ATRNL1: variants seen among roughly 807,000 people sequenced by gnomAD.
ATRNL1 encodes attractin-like protein 1.
Under a neutral mutation model 182.7 loss-of-function variants are expected in ATRNL1, and 95 were observed. The ratio of observed to expected loss-of-function variants is 0.52; its 90% CI spans 0.44 to 0.62. ATRNL1 has a LOEUF of 0.62. Among genes scored for constraint, ATRNL1 ranks in the 20% least tolerant of loss-of-function variants. The pLI, the probability that ATRNL1 is intolerant of heterozygous loss-of-function variation, is 0.00. For synonymous variants in ATRNL1, 576 were observed against 568.3 expected (o/e 1.01, Z -0.19); for missense variants, 1,471 against 1,679.5 (o/e 0.88, Z 2.17).
chr10:115,442,490 TG>T (rs782810566), intron 21 of ATRNL1, among the ~76,000 whole-genome samples: 23 of 152,054 alleles, frequency 1.5e-4, no homozygotes, highest in Non-Finnish European at 2.9e-4. Flanking sequence ...AAGCTTTTGC[TG>T]TAAAGGGCCA....
At chr10:115,832,211 C>T (rs1555093957) in intron 27 of ATRNL1, among the ~76,000 whole-genome samples, 3 of 152,140 alleles carry the variant, frequency 2.0e-5, no homozygotes, top group African/African-American at 7.2e-5. Context: ...GGTCAGAAAG[C>T]TATCAAATAG....
At chr10:115,144,433 C>T (rs1326402433) in intron 5 of ATRNL1, among the ~76,000 whole-genome samples, 1 of 152,146 alleles carries the variant, frequency 6.6e-6, no homozygotes, top group African/African-American at 2.4e-5. Flanking sequence ...GCTGGGATTA[C>T]AGGCGTGAGC....
chr10:115,356,635 C>A (rs1304286133), intron 19 of ATRNL1, among the ~76,000 whole-genome samples: 1 of 151,814 alleles, frequency 6.6e-6, no homozygotes, highest in Non-Finnish European at 1.5e-5. Flanking sequence ...TGGGCTAATT[C>A]CCAAAGTTCC....
At chr10:115,716,789 A>T (rs1555056451) in intron 26 of ATRNL1, among the ~76,000 whole-genome samples, 1 of 151,936 alleles carries the variant, frequency 6.6e-6, no homozygotes, top group Non-Finnish European at 1.5e-5. Context: ...CATATTGTAC[A>T]CCTCCTGGAT....
intron 24 of ATRNL1, among the ~76,000 whole-genome samples, chr10:115,515,651 T>C (rs1850600405): frequency 6.6e-6 from 1 of 151,938 alleles, no homozygotes; most frequent in South Asian, 2.1e-4. Flanking sequence ...TGATGATTTC[T>C]GCTCTGTTTT....
intron 8 of ATRNL1, among the ~76,000 whole-genome samples, chr10:115,209,140 A>T (rs12244489): frequency 6.6e-6 from 1 of 151,976 alleles, no homozygotes; most frequent in East Asian, 1.9e-4. Flanking sequence ...CAGAAAAAAT[A>T]TATGAAAAAT....
intron 5 of ATRNL1, among the ~76,000 whole-genome samples, chr10:115,144,932 A>G (rs1845910017): frequency 6.6e-6 from 1 of 152,110 alleles, no homozygotes; most frequent in Admixed American, 6.6e-5. Flanking sequence ...TGAATTTGTG[A>G]TTAATATTTA....
At chr10:115,159,214 G>A (rs919462465) in intron 5 of ATRNL1, among the ~76,000 whole-genome samples, 1 of 151,240 alleles carries the variant, frequency 6.6e-6, no homozygotes, top group Non-Finnish European at 1.5e-5. Context: ...TTTAAACATA[G>A]GAGTTTATGT....
At chr10:115,923,190 T>C (rs1953119692) in intron 28 of ATRNL1, among the ~76,000 whole-genome samples, 1 of 152,192 alleles carries the variant, frequency 6.6e-6, no homozygotes, top group Non-Finnish European at 1.5e-5. Context: ...AACATCTTCA[T>C]GTAACCCAGT....
At chr10:115,840,281 CTTAA>C (rs1950774011) in intron 27 of ATRNL1, among the ~76,000 whole-genome samples, 2 of 152,066 alleles carry the variant, frequency 1.3e-5, no homozygotes, top group Admixed American at 6.6e-5. Context: ...GGCTGAATTT[CTTAA>C]TTAATTCATT....
At chr10:115,378,886 C>A (rs1395206099) in intron 19 of ATRNL1, among the ~76,000 whole-genome samples, 1 of 152,098 alleles carries the variant, frequency 6.6e-6, no homozygotes, top group Non-Finnish European at 1.5e-5. Flanking sequence ...GATATCCTAA[C>A]CTCTAGGGGT....
In ATRNL1 at chr10:115,095,901, C is replaced by T. The variant is rs1201437392; in HGVS notation, c.293+1858C>T. On this transcript the variant is annotated intron_variant, in intron 1 of 28. Coordinates refer to ENST00000355044, the MANE Select transcript of ATRNL1 (RefSeq NM_207303.4). Reference sequence around the variant, plus strand: ...TGGCTTTTGTGTGGGTGGGTTTGCTCCGTTTGTCTAAAGAGGACAAAATTT... The same window carrying T: ...TGGCTTTTGTGTGGGTGGGTTTGCTTCGTTTGTCTAAAGAGGACAAAATTT... Among the ~76,000 whole-genome samples the T allele has an allele frequency of 2.0e-5, 3 of 152,056 alleles. No homozygotes were observed. The East Asian group carries it at 5.8e-4, about 29-fold the overall frequency.
chr10:115,266,155 A>G (rs1851598825), intron 11 of ATRNL1, among the ~76,000 whole-genome samples: 1 of 151,796 alleles, frequency 6.6e-6, no homozygotes, highest in South Asian at 2.1e-4. Flanking sequence ...TGTTAATAAT[A>G]TTTTTGACAT....
chr10:115,177,466 T>A (rs1000115215), intron 8 of ATRNL1, among the ~76,000 whole-genome samples: 16 of 152,122 alleles, frequency 1.1e-4, no homozygotes, highest in African/African-American at 3.9e-4. Context: ...AATAATTCTA[T>A]TTGGGAAAGT....
chr10:115,714,404 C>G (rs1947183858), intron 26 of ATRNL1, among the ~76,000 whole-genome samples: 1 of 151,994 alleles, frequency 6.6e-6, no homozygotes, highest in Admixed American at 6.6e-5. Flanking sequence ...CTCCCAGGTA[C>G]CACCCTAGAA....
intron 27 of ATRNL1, among the ~76,000 whole-genome samples, chr10:115,738,028 G>A (rs1424278042): frequency 6.7e-6 from 1 of 149,860 alleles, no homozygotes; most frequent in African/African-American, 2.5e-5. Context: ...TGAGCCATTT[G>A]CCTTAAGAGA....
chr10:115,382,327 GCTGT>G (rs1177185003), intron 19 of ATRNL1, among the ~76,000 whole-genome samples: 2 of 151,674 alleles, frequency 1.3e-5, no homozygotes. Flanking sequence ...ATGAACATGG[GCTGT>G]CTTTCAATTT....
At chr10:115,601,855 AT>A (rs1856612301) in intron 26 of ATRNL1, among the ~76,000 whole-genome samples, 1 of 151,970 alleles carries the variant, frequency 6.6e-6, no homozygotes, top group African/African-American at 2.4e-5. Flanking sequence ...TAGACTACAT[AT>A]TTTTAATGTA....
chr10:115,666,441 G>C (rs1398263535), intron 26 of ATRNL1, among the ~76,000 whole-genome samples: 1 of 152,074 alleles, frequency 6.6e-6, no homozygotes, highest in African/African-American at 2.4e-5. Context: ...GGTTGCTTTG[G>C]AAAGCTATAT....
Sources: gnomAD v4.1 joint callset for allele counts (sites outside exome capture counted in the v4.1 genomes callset) on GRCh38, gnomAD v4.1.1 for gene constraint, MANE v1.5 for transcripts, NCBI Gene and HGNC (gene_info 2026-07-23, HGNC 2026-07-21) for gene names.